Variants in CNIH3 observed in about 807,000 individuals in gnomAD.
The protein encoded by CNIH3 is cornichon family AMPA receptor auxiliary protein 3.
Under a neutral mutation model 24.1 loss-of-function variants are expected in CNIH3, and 14 were observed. That is an observed-to-expected ratio of 0.58 (90% CI 0.38 to 0.91). CNIH3 has a LOEUF of 0.91. Ranked by LOEUF, CNIH3 falls within the 40% of genes least tolerant of loss-of-function variation. CNIH3 has a pLI of 0.00. For synonymous variants in CNIH3, 68 were observed against 73.8 expected, an observed-to-expected ratio of 0.92 and a Z score of 0.40; for missense variants, 178 against 196.8, an observed-to-expected ratio of 0.90 and a Z score of 0.57.
At chr1:224,592,117 GTATGTGTGTGTGTGTA>G (rs1175033363), downstream of CNIH3, among the ~76,000 whole-genome samples, 2 of 151,966 alleles carry the variant, frequency 1.3e-5, no homozygotes, top group Admixed American at 1.3e-4. Context: ...CTGTATGTGT[GTATGTGTGTGTGTGTA>G]TATGTGTGTG....
intron 1 of CNIH3, among the ~76,000 whole-genome samples, chr1:224,666,413 G>T (rs1377339138): frequency 1.3e-5 from 2 of 152,184 alleles, no homozygotes; most frequent in East Asian, 3.8e-4. Context: ...TTCCATTGAA[G>T]TATTTTAATA....
At chr1:224,459,417 A>G (rs1056789650) in intron 1 of CNIH3, among the ~76,000 whole-genome samples, 3 of 152,210 alleles carry the variant, frequency 2.0e-5, no homozygotes, top group African/African-American at 4.8e-5. Flanking sequence ...CGTGACCCTC[A>G]GCGATATCCC....
chr1:224,560,639 T>C (rs1234215363), intron 3 of CNIH3, among the ~76,000 whole-genome samples: 1 of 151,910 alleles, frequency 6.6e-6, no homozygotes, highest in African/African-American at 2.4e-5. Flanking sequence ...ATGCTCCTTA[T>C]GAAAATCTAA....
exon 6 of CNIH3, chr1:224,588,607 A>C (rs1681610547): frequency 6.6e-6 from 1 of 152,096 alleles, no homozygotes; most frequent in Admixed American, 6.5e-5. Context: ...CACTACTTAA[A>C]AAAAAAAAAC....
intron 1 of CNIH3, among the ~76,000 whole-genome samples, chr1:224,672,521 G>A (rs1043960683): frequency 4.6e-5 from 7 of 152,142 alleles, no homozygotes; most frequent in Admixed American, 4.6e-4. Flanking sequence ...ATGCTCTAAG[G>A]GAGAATCCTT....
At chr1:224,549,390 TTAA>T (rs1679827495) in intron 3 of CNIH3, among the ~76,000 whole-genome samples, 1 of 152,064 alleles carries the variant, frequency 6.6e-6, no homozygotes, top group African/African-American at 2.4e-5. Context: ...TGATATTTCA[TTAA>T]TATCACAGTG....
chr1:224,436,643 T>C (rs1191186758), intron 1 of CNIH3, among the ~76,000 whole-genome samples: 1 of 152,248 alleles, frequency 6.6e-6, no homozygotes, highest in Non-Finnish European at 1.5e-5. Context: ...CATTTTTCTC[T>C]GTACTAAAAC....
chr1:224,459,005 G>A (rs1176049750), intron 1 of CNIH3, among the ~76,000 whole-genome samples: 1 of 152,226 alleles, frequency 6.6e-6, no homozygotes, highest in Admixed American at 6.5e-5. Flanking sequence ...TTCAGCTCCA[G>A]TGATCAGCTC....
intron 3 of CNIH3, among the ~76,000 whole-genome samples, chr1:224,605,516 A>G (rs1587400): frequency 0.98 from 148,696 of 152,336 alleles, 72,583 homozygotes; most frequent in East Asian, 1. Flanking sequence ...AAGTTAGGAG[A>G]ATGAGAGAGG....
intron 4 of CNIH3, among the ~76,000 whole-genome samples, chr1:224,577,509 C>G (rs1397232598): frequency 6.6e-6 from 1 of 151,960 alleles, no homozygotes; most frequent in Non-Finnish European, 1.5e-5. Flanking sequence ...CAATGTGACA[C>G]CAACTTACTC....
At chr1:224,678,954 A>G (rs1385050160) in intron 1 of CNIH3, among the ~76,000 whole-genome samples, 2 of 152,120 alleles carry the variant, frequency 1.3e-5, no homozygotes, top group African/African-American at 4.8e-5. Flanking sequence ...TGTGAGCCTT[A>G]CAGCCTGTAA....
At chr1:224,522,554 C>T (rs561491665) in intron 2 of CNIH3, among the ~76,000 whole-genome samples, 50 of 152,248 alleles carry the variant, frequency 3.3e-4, no homozygotes, top group Middle Eastern at 3.4e-3. Flanking sequence ...ACAACTCCAG[C>T]AAATAAATCA....
intron 1 of CNIH3, among the ~76,000 whole-genome samples, chr1:224,447,500 T>C (rs1675216671): frequency 6.6e-6 from 1 of 152,240 alleles, no homozygotes; most frequent in African/African-American, 2.4e-5. Flanking sequence ...ACCAGTCTCC[T>C]GTGGAAACCC....
intron 1 of CNIH3, among the ~76,000 whole-genome samples, chr1:224,461,007 CTT>C (rs1401791707): frequency 1.4e-5 from 2 of 141,610 alleles, no homozygotes; most frequent in African/African-American, 2.6e-5. Context: ...TTAATTTTTT[CTT>C]TTTTTTTTTT....
chr1:224,562,267 G>T (rs1384609677), intron 3 of CNIH3, among the ~76,000 whole-genome samples: 1 of 151,978 alleles, frequency 6.6e-6, no homozygotes, highest in African/African-American at 2.4e-5. Flanking sequence ...CCTTTCCTGG[G>T]GTCTTCCCTG....
intron 3 of CNIH3, among the ~76,000 whole-genome samples, chr1:224,719,941 G>A (rs1688622835): frequency 6.6e-6 from 1 of 152,220 alleles, no homozygotes; most frequent in South Asian, 2.1e-4. Context: ...AAACACATAT[G>A]CATGTGCTCG....
intron 5 of CNIH3, among the ~76,000 whole-genome samples, chr1:224,737,271 G>C (rs1003811895): frequency 6.6e-6 from 1 of 152,128 alleles, no homozygotes; most frequent in East Asian, 1.9e-4. Flanking sequence ...GGTTAGATGG[G>C]TGTGATTGTT....
At chr1:224,718,178 AAAATT>A (rs1475945154) in intron 3 of CNIH3, among the ~76,000 whole-genome samples, 7 of 152,144 alleles carry the variant, frequency 4.6e-5, no homozygotes, top group Non-Finnish European at 7.4e-5. Flanking sequence ...GAGCCATGGA[AAAATT>A]AAAGTAAATA....
At chr1:224,688,466 C>T (rs751766095) in intron 3 of CNIH3, among the ~76,000 whole-genome samples, 3 of 152,058 alleles carry the variant, frequency 2.0e-5, no homozygotes, top group Non-Finnish European at 4.4e-5. Context: ...TGTAGAGGAA[C>T]GCATAGCCCA....
Sources: allele counts gnomAD v4.1 joint callset (sites outside exome capture counted in the v4.1 genomes callset), GRCh38; gene constraint gnomAD v4.1.1; transcripts MANE v1.5; gene names NCBI Gene and HGNC (gene_info 2026-07-23, HGNC 2026-07-21).